The following KCNIP4 variants were observed in gnomAD, a reference collection of about 807,000 sequenced individuals.
KCNIP4 encodes the protein Kv channel-interacting protein 4.
A neutral mutation model predicts 34.0 loss-of-function variants in KCNIP4; 12 were observed. The observed-to-expected ratio is 0.35, with a 90% confidence interval of 0.23 to 0.57. The LOEUF (loss-of-function observed/expected upper bound fraction) is 0.57. Ranked by LOEUF, KCNIP4 falls within the 20% of genes least tolerant of loss-of-function variation. KCNIP4 has a pLI of 0.83. For missense variants in KCNIP4, 238 were observed against 311.7 expected, an observed-to-expected ratio of 0.76 and a Z score of 1.78; for synonymous variants, 124 against 102.2, an observed-to-expected ratio of 1.21 and a Z score of -1.29.
chr4:20,961,999 T>C (rs1024209082), intron 1 of KCNIP4, among the ~76,000 whole-genome samples: 3 of 152,174 alleles, frequency 2.0e-5, no homozygotes, highest in African/African-American at 7.2e-5. Flanking sequence ...TGACTACGTA[T>C]CTTTCCTAAA....
intron 1 of KCNIP4, among the ~76,000 whole-genome samples, chr4:21,603,042 T>C (rs1369140259): frequency 6.6e-6 from 1 of 152,130 alleles, no homozygotes. Flanking sequence ...CAATATATTG[T>C]TTTTTGGAAA....
At chr4:21,426,673 ACAGT>A (rs1376191722) in intron 1 of KCNIP4, among the ~76,000 whole-genome samples, 3 of 152,198 alleles carry the variant, frequency 2.0e-5, no homozygotes, top group Non-Finnish European at 2.9e-5. Flanking sequence ...GTTTAAGGGA[ACAGT>A]CAGAGTTAGC....
intron 1 of KCNIP4, among the ~76,000 whole-genome samples, chr4:21,447,897 A>G (rs1728169490): frequency 6.6e-6 from 1 of 152,144 alleles, no homozygotes; most frequent in Non-Finnish European, 1.5e-5. Context: ...GGGATTGCAC[A>G]AGATTTCATT....
chr4:21,289,888 C>T (rs891149438), intron 1 of KCNIP4, among the ~76,000 whole-genome samples: 11 of 152,174 alleles, frequency 7.2e-5, no homozygotes, highest in Non-Finnish European at 1.3e-4. Context: ...TCACCCCACC[C>T]TTTCCCACAT....
At chr4:21,817,312 T>G (rs540102438) in intron 1 of KCNIP4, among the ~76,000 whole-genome samples, 45 of 152,326 alleles carry the variant, frequency 3.0e-4, no homozygotes, top group African/African-American at 1.1e-3. Flanking sequence ...CTGTCTTTAA[T>G]CTCTTAATCC....
chr4:21,015,119 A>G (rs1381726764), intron 1 of KCNIP4, among the ~76,000 whole-genome samples: 1 of 151,894 alleles, frequency 6.6e-6, no homozygotes, highest in Non-Finnish European at 1.5e-5. Context: ...GTGATAAGGA[A>G]CTCTGCGGAG....
intron 1 of KCNIP4, among the ~76,000 whole-genome samples, chr4:21,737,609 C>T (rs1716080127): frequency 6.6e-6 from 1 of 152,168 alleles, no homozygotes; most frequent in South Asian, 2.1e-4. Context: ...GCCAGGAGCC[C>T]TCTTCCAGCA....
At chr4:21,910,799 A>G (rs1728262754) in intron 1 of KCNIP4, among the ~76,000 whole-genome samples, 1 of 152,204 alleles carries the variant, frequency 6.6e-6, no homozygotes, top group Admixed American at 6.6e-5. Context: ...AAAAAGTCAC[A>G]CGAACTATTA....
rs77210370 is a variant in KCNIP4 at position 21,356,694 on chromosome 4, A to G, written c.62-473985T>C. 8.3e-3 allele frequency among the ~76,000 whole-genome samples: 1,257 copies of G among 152,314 alleles called. 18 individuals carry two copies. Among genetic ancestry groups the G allele is most frequent in the African/African-American group, 0.029 (1,187 of 41,556 alleles). ...ACACAAACAAATGGAGGAACATTCC[A>G]TATTTGTGGATAGGAAGAATCAATA... is the stretch of plus-strand genomic sequence containing the variant. On this transcript the variant is annotated intron_variant, in intron 1 of 8. Coordinates refer to ENST00000382152, the MANE Select transcript of KCNIP4 (RefSeq NM_025221.6).
intron 1 of KCNIP4, among the ~76,000 whole-genome samples, chr4:21,247,370 T>A (rs1283520621): frequency 6.6e-6 from 1 of 151,938 alleles, no homozygotes; most frequent in Non-Finnish European, 1.5e-5. Context: ...GAAATGCAGT[T>A]CTTGTTCATT....
At chr4:20,798,076 G>A (rs74668570) in intron 3 of KCNIP4, among the ~76,000 whole-genome samples, 12,678 of 152,184 alleles carry the variant, frequency 0.083, 624 homozygotes, top group East Asian at 0.21. Flanking sequence ...TAATTCATTT[G>A]TTCATCTCTA....
chr4:21,634,356 T>A (rs1016774854), intron 1 of KCNIP4, among the ~76,000 whole-genome samples: 1 of 152,092 alleles, frequency 6.6e-6, no homozygotes, highest in Non-Finnish European at 1.5e-5. Flanking sequence ...TGGCTTTTTT[T>A]AACTTTCATG....
In KCNIP4 at chr4:21,497,321, T is replaced by C. The variant is rs140529198; in HGVS notation, c.61+451250A>G. 6.4e-3 allele frequency among the ~76,000 whole-genome samples: 978 copies of C among 152,276 alleles called. 8 individuals are homozygous for C. The highest frequency in any genetic ancestry group is 0.011 in the Non-Finnish European group (771 of 68,012). On this transcript the variant is annotated intron_variant, in intron 1 of 8. Coordinates refer to ENST00000382152, the MANE Select transcript of KCNIP4 (RefSeq NM_025221.6). ...AGTCTTCAGTAAGGGTTGACTTGGA[T>C]CATTATTGCCCCTCTGTTATTTCTT...
In KCNIP4 at chr4:20,782,744, C is replaced by T. The variant is rs186672848; in HGVS notation, c.289-23854G>A. ...GAGGCTGCTGCAAAGGTCTCTGACA[C>T]ACCCTGGAGACACTTTCCCCATTGT... is the stretch of plus-strand genomic sequence containing the variant. On this transcript the variant is annotated intron_variant, in intron 3 of 8. Coordinates refer to ENST00000382152, the MANE Select transcript of KCNIP4 (RefSeq NM_025221.6). Among the ~76,000 whole-genome samples, 210 of 152,284 alleles carry T rather than the reference C, an allele frequency of 1.4e-3. 1 individual carries two copies. The highest frequency in any genetic ancestry group is 0.011 in the Admixed American group (168 of 15,298).
chr4:21,672,607 T>C (rs958761933), intron 1 of KCNIP4, among the ~76,000 whole-genome samples: 1 of 152,328 alleles, frequency 6.6e-6, no homozygotes, highest in Admixed American at 6.5e-5. Context: ...TTTTCTTCTG[T>C]CTAGTTCAGA....
At chr4:21,218,600 G>A (rs1008898937) in intron 1 of KCNIP4, among the ~76,000 whole-genome samples, 1 of 152,094 alleles carries the variant, frequency 6.6e-6, no homozygotes, top group African/African-American at 2.4e-5. Context: ...ATAGGCCATT[G>A]ATACTCCTAA....
At chr4:21,804,995 A>G (rs904265299) in intron 1 of KCNIP4, among the ~76,000 whole-genome samples, 1 of 152,242 alleles carries the variant, frequency 6.6e-6, no homozygotes, top group Non-Finnish European at 1.5e-5. Flanking sequence ...CAAATTAAAA[A>G]TATTCCTTCA....
At chr4:21,031,266 A>G (rs575403538) in intron 1 of KCNIP4, among the ~76,000 whole-genome samples, 1 of 152,296 alleles carries the variant, frequency 6.6e-6, no homozygotes, top group African/African-American at 2.4e-5. Context: ...ACACTCGTTA[A>G]TTTTTTATTT....
chr4:20,834,875 T>C (rs1390075906), intron 3 of KCNIP4, among the ~76,000 whole-genome samples: 1 of 151,596 alleles, frequency 6.6e-6, no homozygotes, highest in Non-Finnish European at 1.5e-5. Context: ...ATGAGGAGTG[T>C]TTGTCAGATA....
Sources: allele counts gnomAD v4.1 joint callset (sites outside exome capture counted in the v4.1 genomes callset), GRCh38; gene constraint gnomAD v4.1.1; transcripts MANE v1.5; gene names NCBI Gene and HGNC (gene_info 2026-07-23, HGNC 2026-07-21).